The following IL18R1 variants were observed in gnomAD, a reference collection of about 807,000 sequenced individuals.
IL18R1 encodes the protein interleukin-18 receptor 1.
Under a neutral mutation model 48.5 loss-of-function variants are expected in IL18R1, and 40 were observed. That is an observed-to-expected ratio of 0.82 (90% CI 0.64 to 1.07). The LOEUF (loss-of-function observed/expected upper bound fraction) is 1.07, where lower values mean the gene tolerates loss of function less well. Ranked by LOEUF, IL18R1 falls within the 50% of genes least tolerant of loss-of-function variation. The probability of loss-of-function intolerance (pLI) is 0.00; values close to 1 mark genes in which losing one functional copy is unlikely to be tolerated. For synonymous variants in IL18R1, 232 were observed against 225.9 expected, an observed-to-expected ratio of 1.03 and a Z score of -0.24; for missense variants, 596 against 633.7, an observed-to-expected ratio of 0.94 and a Z score of 0.64.
chr2:102,363,281 T>TG (rs1454234828), intron 2 of IL18R1, among the ~76,000 whole-genome samples: 1 of 152,112 alleles, frequency 6.6e-6, no homozygotes, highest in African/African-American at 2.4e-5. Flanking sequence ...CCTTAGGCTT[T>TG]GGGGGAGAAA....
rs200648833 is a variant in IL18R1 at position 102,375,867 on chromosome 2, C to T, written c.469-40C>T. 47 of 1,413,310 alleles carry T rather than the reference C, an allele frequency of 3.3e-5. No homozygotes were observed. The East Asian group carries it at 1.0e-3, about 31-fold the overall frequency. 87.5% of individuals were successfully genotyped at this position (1,413,310 alleles called of 1,614,324 possible). ...TTGGATCACTGTAATATCAATTTGG[C>T]TTTTACTTAAAGTATTTTAACTTGT... On this transcript the variant is annotated intron_variant, in intron 4 of 10. Coordinates refer to ENST00000233957, the MANE Select transcript of IL18R1 (RefSeq NM_003855.5).
intron 8 of IL18R1, among the ~76,000 whole-genome samples, chr2:102,388,784 G>C (rs1466701293): frequency 6.6e-6 from 1 of 152,142 alleles, no homozygotes; most frequent in African/African-American, 2.4e-5. Flanking sequence ...CCCAGACCCT[G>C]AGTCTGCTCA....
At chr2:102,357,554 G>A (rs1678324583) in intron 1 of IL18R1, among the ~76,000 whole-genome samples, 1 of 152,102 alleles carries the variant, frequency 6.6e-6, no homozygotes, top group South Asian at 2.1e-4. Flanking sequence ...ACCAGAGAGT[G>A]GGAGCTAGTC....
In IL18R1 at chr2:102,386,929, A is replaced by T; in HGVS notation, c.878A>T (p.Asn293Ile). ...RIENIGESNL[N>I]VLYNCTVAST... is the part of the protein sequence containing the mutation. Reference sequence around the variant, plus strand: ...GAAAATATTGGTGAAAGCAATCTAAATGTTTTATATAATTGCACTGTGGCC... The same window carrying T: ...GAAAATATTGGTGAAAGCAATCTAATTGTTTTATATAATTGCACTGTGGCC... Residue 293 changes from asparagine to isoleucine, a missense_variant, in exon 8 of 11, where the codon AAT becomes ATT. This residue lies in a region of IL18R1 where 57 missense variants were observed against 88.2 expected (regional missense o/e 0.65). Transcript: ENST00000233957. 1 of 1,613,982 alleles carries T rather than the reference A, an allele frequency of 6.2e-7. No individual in the cohort carries two copies.
intron 1 of IL18R1, among the ~76,000 whole-genome samples, chr2:102,357,990 GA>G (rs1452781139): frequency 7.0e-6 from 1 of 142,380 alleles, no homozygotes; most frequent in Non-Finnish European, 1.6e-5. Context: ...GAACACTGTA[GA>G]AGAAAAATTA....
At chr2:102,393,753 C>G (rs916014035) in intron 9 of IL18R1, among the ~76,000 whole-genome samples, 1 of 152,214 alleles carries the variant, frequency 6.6e-6, no homozygotes, top group Non-Finnish European at 1.5e-5. Flanking sequence ...TTCCTTCTTT[C>G]TCTACAGATC....
intron 5 of IL18R1, among the ~76,000 whole-genome samples, chr2:102,380,746 C>T (rs1679873430): frequency 6.6e-6 from 1 of 152,190 alleles, no homozygotes; most frequent in South Asian, 2.1e-4. Flanking sequence ...CTCCACTCAA[C>T]CAGGCATTCT....
chr2:102,378,949 C>G (rs891953977), intron 5 of IL18R1, among the ~76,000 whole-genome samples: 1 of 152,194 alleles, frequency 6.6e-6, no homozygotes, highest in African/African-American at 2.4e-5. Flanking sequence ...TGAGCTCGTG[C>G]CTTCTCCATG....
chr2:102,374,734 G>A (rs574666069), intron 4 of IL18R1, among the ~76,000 whole-genome samples: 1 of 151,856 alleles, frequency 6.6e-6, no homozygotes, highest in South Asian at 2.1e-4. Context: ...GCCGAGACTG[G>A]GCCACTGCAC....
chr2:102,361,792 G>C (rs1280545810), intron 1 of IL18R1, among the ~76,000 whole-genome samples: 2 of 152,130 alleles, frequency 1.3e-5, no homozygotes, highest in Non-Finnish European at 2.9e-5. Flanking sequence ...ACTCTGAATG[G>C]TCTCCACTGT....
chr2:102,379,864 G>A (rs1191759131), intron 5 of IL18R1, among the ~76,000 whole-genome samples: 1 of 152,178 alleles, frequency 6.6e-6, no homozygotes, highest in African/African-American at 2.4e-5. Context: ...GCTTTGGGGA[G>A]AATGGAGGCA....
intron 3 of IL18R1, among the ~76,000 whole-genome samples, chr2:102,371,230 G>T (rs1194812666): frequency 6.6e-6 from 1 of 151,932 alleles, no homozygotes; most frequent in South Asian, 2.1e-4. Flanking sequence ...TCACCACATT[G>T]GCCAGGCTGG....
chr2:102,367,393 C>A (rs575408189), intron 2 of IL18R1, among the ~76,000 whole-genome samples: 57 of 152,124 alleles, frequency 3.7e-4, no homozygotes, highest in Non-Finnish European at 7.8e-4. Context: ...AGAGGAAGAA[C>A]GCCAAGGTTG....
intron 7 of IL18R1, among the ~76,000 whole-genome samples, chr2:102,386,100 GT>G: frequency 6.6e-6 from 1 of 152,218 alleles, no homozygotes; most frequent in African/African-American, 2.4e-5. Flanking sequence ...ACTTGAGGCA[GT>G]TGGAGGCTAC....
intron 6 of IL18R1, among the ~76,000 whole-genome samples, chr2:102,384,633 A>G (rs1680118275): frequency 6.6e-6 from 1 of 152,178 alleles, no homozygotes; most frequent in African/African-American, 2.4e-5. Context: ...TCTAAGTTTT[A>G]ATAGTTGATT....
At chr2:102,383,809 AT>A (rs1319698927) in intron 6 of IL18R1, among the ~76,000 whole-genome samples, 17 of 152,196 alleles carry the variant, frequency 1.1e-4, no homozygotes, top group Non-Finnish European at 2.5e-4. Flanking sequence ...TATTCAATTT[AT>A]TCTTTTTAAA....
Position 102,396,590 on chromosome 2 carries a change from A to G in IL18R1, c.1330A>G (p.Ser444Gly), listed in dbSNP as rs1680837698. 6.2e-7 allele frequency: 1 copy of G among 1,612,908 alleles called. No homozygotes were observed. Reference protein sequence around the residue: ...EKSRRLIIVLSKSYMSNEVRY... With the variant: ...EKSRRLIIVLGKSYMSNEVRY... ...AAGCCGAAGACTAATCATTGTCCTA[A>G]GTAAAAGTTATATGTCTAATGAGGT... Residue 444 changes from serine (S) to glycine (G), a missense_variant, in exon 11 of 11, where the codon AGT becomes GGT. Ser to Gly is a moderately conservative substitution (Grantham distance 56). This residue lies in a region of IL18R1 where 179 missense variants were observed against 206.1 expected (regional missense o/e 0.87). Transcript: ENST00000233957.
chr2:102,366,390 G>A (rs1678900737), intron 2 of IL18R1, among the ~76,000 whole-genome samples: 1 of 152,124 alleles, frequency 6.6e-6, no homozygotes, highest in Admixed American at 6.5e-5. Flanking sequence ...GGACTTTATT[G>A]TCCATAACAT....
chr2:102,397,868 T>G lies in IL18R1; in HGVS notation c.*982T>G, dbSNP rs2105142437. The G allele has an allele frequency of 6.6e-6, 1 of 152,412 alleles. No individual in the cohort carries two copies. The highest frequency in any genetic ancestry group is 1.9e-4 in the East Asian group (1 of 5,250). The allele number at this position is 152,412 out of a possible 1,614,324, so 9.4% of individuals were successfully genotyped here. A position where few individuals can be genotyped will look rare whatever the true frequency, so the allele number is the denominator to read the frequency against. On this transcript the variant is annotated 3_prime_UTR_variant, in exon 11 of 11. Coordinates refer to ENST00000233957, the MANE Select transcript of IL18R1 (RefSeq NM_003855.5). ...GGCCTCTGGAACCTTATCCAACCTCTTGGTGCTTCAGTTTCCTCATCTGTG... is the reference window on the plus strand; with the variant it reads ...GGCCTCTGGAACCTTATCCAACCTCGTGGTGCTTCAGTTTCCTCATCTGTG...
Sources: allele counts gnomAD v4.1 joint callset (sites outside exome capture counted in the v4.1 genomes callset), GRCh38; gene constraint gnomAD v4.1.1; regional missense constraint gnomAD v4.1.1; transcripts MANE v1.5; gene names NCBI Gene and HGNC (gene_info 2026-07-23, HGNC 2026-07-21).